Variants in MROH1 observed in about 807,000 individuals in gnomAD.
The protein encoded by MROH1 is maestro heat like repeat family member 1.
In MROH1, 117 loss-of-function variants were observed where a neutral mutation model predicts 116.5. The ratio of observed to expected loss-of-function variants is 1.00; its 90% CI spans 0.86 to 1.17. The LOEUF is 1.17. Among genes scored for constraint, MROH1 ranks in the 50% most tolerant of loss-of-function variants. The pLI is 0.00. For missense variants in MROH1, 1,873 were observed against 1,338.5 expected, an observed-to-expected ratio of 1.40 and a Z score of -6.23; for synonymous variants, 921 against 583.9, an observed-to-expected ratio of 1.58 and a Z score of -8.32.
chr8:144,261,413 C>A (rs1251595916), intron 43 of MROH1, 64 bp downstream of exon 43: 11 of 700,216 alleles, frequency 1.6e-5, no homozygotes, highest in Non-Finnish European at 5.2e-6. Context: ...CCCGCAGGGA[C>A]TAAGTGATTT....
intron 32 of MROH1, among the ~76,000 whole-genome samples, chr8:144,249,631 C>T (rs1423892240): frequency 3.9e-5 from 6 of 152,144 alleles, no homozygotes; most frequent in Admixed American, 1.3e-4. Flanking sequence ...GGGCCAGCGT[C>T]CTCCTGCCCA....
At chr8:144,236,163 A>T (rs973238958) in intron 14 of MROH1, among the ~76,000 whole-genome samples, 2 of 152,166 alleles carry the variant, frequency 1.3e-5, no homozygotes, top group Non-Finnish European at 2.9e-5. Context: ...AAGAATTGAG[A>T]CCAGTTATTT....
At chr8:144,201,502 C>T (rs1453462951) in intron 12 of MROH1, among the ~76,000 whole-genome samples, 1 of 152,202 alleles carries the variant, frequency 6.6e-6, no homozygotes, top group Non-Finnish European at 1.5e-5. Flanking sequence ...CATGCTCATC[C>T]TATGAGCTAG....
At chr8:144,215,156 C>T (rs540229751) in intron 12 of MROH1, among the ~76,000 whole-genome samples, 86 of 152,332 alleles carry the variant, frequency 5.6e-4, no homozygotes, top group Admixed American at 2.1e-3. Context: ...TTGCATCCTT[C>T]ACTCTAATTA....
rs1420636121 is a variant in MROH1 at position 144,182,625 on chromosome 8, G to A, written c.562+2102G>A. 1.3e-5 allele frequency among the ~76,000 whole-genome samples: 2 copies of A among 152,228 alleles called. No homozygotes were observed. The highest frequency in any genetic ancestry group is 3.9e-4 in the East Asian group (2 of 5,172). On this transcript the variant is annotated intron_variant, in intron 7 of 43. Transcript: ENST00000326134. This position sits in a 1 kb window ranked among gnomAD's most constrained non-coding sequence, Gnocchi z 4.1. ...AATAGAAGAATTGGAAGAGAAAGTT[G>A]TGGAAATTTCCAGAAAATAGAGGAA...
chr8:144,170,053 G>A (rs1445359693), intron 4 of MROH1, among the ~76,000 whole-genome samples: 2 of 152,122 alleles, frequency 1.3e-5, no homozygotes, highest in Non-Finnish European at 2.9e-5. Context: ...TGTTGGTCTC[G>A]AACTCCTGAC....
At chr8:144,156,708 C>CA (rs1176108997) in intron 1 of MROH1, among the ~76,000 whole-genome samples, 42,883 of 56,146 alleles carry the variant, frequency 0.76, 18,050 homozygotes, top group East Asian at 0.93. Context: ...GACTCTGTCT[C>CA]AAAAAAAAAA....
chr8:144,239,443 T>G, intron 17 of MROH1, 80 bp downstream of exon 17: 2 of 778,066 alleles, frequency 2.6e-6, no homozygotes, highest in South Asian at 2.7e-5. Flanking sequence ...AGGGGTTACC[T>G]TCTCAGTGGG....
At position 144,180,298 on chromosome 8, in the gene MROH1, T is replaced by C; in HGVS notation, c.421T>C (p.Cys141Arg). Residue 141 changes from cysteine to arginine, a missense_variant, in exon 6 of 44, where the codon TGC (cysteine) becomes CGC (arginine). By Grantham distance (180) the Cys-to-Arg change is radical. Transcript: ENST00000326134. The surrounding 1 kb of genome is among the most constrained non-coding windows in gnomAD (Gnocchi z 7.4). ...GCTGCACCCTGGGACCCTGCCACAC[T>C]GCGCCGTGCTGCACACCCTCGCCAG... ...RRLHPGTLPH[C>R]AVLHTLASLS... is the part of the protein sequence containing the mutation. 1 of 1,606,694 alleles carries C rather than the reference T, an allele frequency of 6.2e-7. No individual in the cohort carries two copies.
At chr8:144,257,960 C>T (rs992450299) in intron 35 of MROH1, among the ~76,000 whole-genome samples, 28 of 152,320 alleles carry the variant, frequency 1.8e-4, no homozygotes, top group Non-Finnish European at 2.8e-4. Flanking sequence ...GGTGGGGACG[C>T]TGGTGCAGGG....
intron 12 of MROH1, among the ~76,000 whole-genome samples, chr8:144,217,667 G>A (rs1256720139): frequency 6.6e-6 from 1 of 152,170 alleles, no homozygotes; most frequent in Non-Finnish European, 1.5e-5. Context: ...GCAGTGGCAC[G>A]ATCTCGGCTC....
At chr8:144,172,248 C>T (rs2131105953) in intron 4 of MROH1, among the ~76,000 whole-genome samples, 1 of 152,224 alleles carries the variant, frequency 6.6e-6, no homozygotes, top group African/African-American at 2.4e-5. Flanking sequence ...GAGTCTGACA[C>T]CTTTAAGGTC....
intron 1 of MROH1, among the ~76,000 whole-genome samples, chr8:144,150,517 G>A (rs1216128291): frequency 3.9e-5 from 6 of 152,204 alleles, no homozygotes; most frequent in African/African-American, 1.4e-4. Context: ...TCTGCTACTG[G>A]CACCAGCACC....
In MROH1 at chr8:144,255,493, A is replaced by T. The variant is rs1483661574; in HGVS notation, c.3595-16A>T. ...GCCTGGAGGGAGGCATGGCCCTGTGATGACTTCTCCCCCAGGCTACCTGTG... is the reference window on the plus strand; with the variant it reads ...GCCTGGAGGGAGGCATGGCCCTGTGTTGACTTCTCCCCCAGGCTACCTGTG... On this transcript the variant is annotated splice_polypyrimidine_tract_variant and intron_variant, in intron 34 of 43. Coordinates refer to ENST00000326134, the MANE Select transcript of MROH1 (RefSeq NM_032450.3). The T allele has an allele frequency of 1.4e-5, 11 of 777,940 alleles. No individual in the cohort carries two copies. Among genetic ancestry groups the T allele is most frequent in the South Asian group, 5.4e-5 (4 of 74,430 alleles). The allele number at this position is 777,940 out of a possible 1,614,324, so 48.2% of individuals were successfully genotyped here.
In MROH1 at chr8:144,190,870, G is replaced by T. The variant is rs760290051; in HGVS notation, c.649G>T (p.Ala217Ser). ...CCCCACGGTCAGGAAGGACGCCTTT[G>T]CCACCGACATCTTCAGCGCCTACGA... ...PDPTVRKDAFATDIFSAYDVL... is the reference protein window; with the variant it reads ...PDPTVRKDAFSTDIFSAYDVL... The change falls in exon 8 of 44, where the codon GCC becomes TCC. Residue 217 changes from alanine to serine, a missense_variant. Coordinates refer to ENST00000326134, the MANE Select transcript of MROH1 (RefSeq NM_032450.3). 3 of 1,613,812 alleles carry T rather than the reference G, an allele frequency of 1.9e-6. No individual in the cohort carries two copies. The South Asian group carries it at 3.3e-5, about 18-fold the overall frequency.
At chr8:144,234,497 C>CTTTTTTTTT (rs1554823930) in intron 14 of MROH1, among the ~76,000 whole-genome samples, 2 of 20,630 alleles carry the variant, frequency 9.7e-5, no homozygotes, top group Non-Finnish European at 2.2e-4. Context: ...CTTTCTTTTT[C>CTTTTTTTTT]GTTTTTTTTT....
At chr8:144,238,990 G>A in intron 15 of MROH1, 45 bp from the exon 16 acceptor site, 2 of 774,140 alleles carry the variant, frequency 2.6e-6, no homozygotes, top group Non-Finnish European at 4.8e-6. Context: ...GTCTGCATGG[G>A]ACCGCCCTCT....
intron 7 of MROH1, among the ~76,000 whole-genome samples, chr8:144,190,443 C>T (rs1227871390): frequency 2.0e-5 from 3 of 152,128 alleles, no homozygotes; most frequent in African/African-American, 7.2e-5. Flanking sequence ...TTGCTTGAAC[C>T]TGGGAGGCAA....
At chr8:144,200,935 A>G (rs148850356) in intron 12 of MROH1, 132 of 170,370 alleles carry the variant, frequency 7.7e-4, no homozygotes, top group African/African-American at 3.1e-3. Flanking sequence ...TTTGCCCAAG[A>G]GGAGCCTTTT....
Sources: gnomAD v4.1 joint callset for allele counts (sites outside exome capture counted in the v4.1 genomes callset) on GRCh38, gnomAD v4.1.1 for gene constraint, Gnocchi (gnomAD v3.1) non-coding constraint, MANE v1.5 for transcripts, NCBI Gene and HGNC (gene_info 2026-07-23, HGNC 2026-07-21) for gene names.